Variants in DDB1 observed in about 807,000 individuals in gnomAD.
The protein encoded by DDB1 is DNA damage-binding protein 1.
DDB1 carries 18 observed loss-of-function variants against 133.1 expected under a neutral mutation model. The ratio of observed to expected loss-of-function variants is 0.14; its 90% CI spans 0.09 to 0.20. The LOEUF (loss-of-function observed/expected upper bound fraction) is 0.20, where lower values mean the gene tolerates loss of function less well. Among genes scored for constraint, DDB1 ranks in the 10% least tolerant of loss-of-function variants. The pLI is 1.00. For missense variants in DDB1, 828 were observed against 1,459.2 expected (o/e 0.57, Z 7.05); for synonymous variants, 580 against 550.5 (o/e 1.05, Z -0.75).
chr11:61,324,220 C>T, intron 6 of DDB1, 83 bp from the exon 7 acceptor site: 1 of 1,480,680 alleles, frequency 6.8e-7, no homozygotes, highest in Non-Finnish European at 9.4e-7. Flanking sequence ...CTCCCTTTAC[C>T]AAACCCAGCC....
intron 1 of DDB1, 46 bp downstream of exon 1, chr11:61,332,859 TCCC>T: frequency 7.2e-7 from 1 of 1,386,608 alleles, no homozygotes; most frequent in Non-Finnish European, 9.4e-7. Context: ...AGGCCGCGGC[TCCC>T]CCCAACTCCC....
At chr11:61,316,449 C>G in intron 11 of DDB1, 43 bp downstream of exon 11, 1 of 1,613,956 alleles carries the variant, frequency 6.2e-7, no homozygotes, top group Non-Finnish European at 8.5e-7. Context: ...CACCTCACAA[C>G]CTTCTCACCA....
intron 21 of DDB1, among the ~76,000 whole-genome samples, chr11:61,308,448 A>G (rs1280579635): frequency 6.6e-6 from 1 of 152,180 alleles, no homozygotes; most frequent in Non-Finnish European, 1.5e-5. Context: ...CATTTCACGT[A>G]CTATGTACTT....
chr11:61,305,799 G>C (rs1341264582), intron 21 of DDB1, among the ~76,000 whole-genome samples: 1 of 152,134 alleles, frequency 6.6e-6, no homozygotes, highest in Non-Finnish European at 1.5e-5. Context: ...GACTTCCACT[G>C]TCCAATATGG....
At chr11:61,323,448 CCCAGG>C (rs1856219048) in intron 7 of DDB1, 2 of 287,982 alleles carry the variant, frequency 6.9e-6, no homozygotes, top group Middle Eastern at 1.3e-3. Context: ...CTCACTGTCA[CCCAGG>C]CTGGAGTGCA....
chr11:61,314,521 C>T, intron 12 of DDB1, 35 bp from the exon 13 acceptor site: 5 of 1,583,730 alleles, frequency 3.2e-6, no homozygotes, highest in Non-Finnish European at 4.3e-6. Flanking sequence ...TGTCTCCAAG[C>T]ATCTGCCAGG....
chr11:61,303,541 A>T (rs969111030), intron 22 of DDB1, among the ~76,000 whole-genome samples: 7 of 151,940 alleles, frequency 4.6e-5, no homozygotes, highest in African/African-American at 1.7e-4. Flanking sequence ...ACCAAAAATT[A>T]GCCAGGCGTG....
At chr11:61,313,772 G>A (rs775620097) in intron 15 of DDB1, 66 bp from the exon 16 acceptor site, 8 of 1,584,718 alleles carry the variant, frequency 5.0e-6, no homozygotes, top group Non-Finnish European at 6.9e-6. Context: ...GCCTGTGAAA[G>A]TTCAAAAGCA....
rs2134894862 is a variant in DDB1, at chr11:61,303,898, A to G, written c.2799T>C (p.Leu933=). 1 of 1,613,892 alleles carries G rather than the reference A, an allele frequency of 6.2e-7. No homozygotes were observed. Among genetic ancestry groups the G allele is most frequent in the South Asian group, 1.1e-5 (1 of 91,064 alleles). ...AGTTTCCTTCCATGGGCTTGTAGGC[A>G]AGCAGCAGCACTGAGCGCATAAGGT... ...VGDLMRSVLL[L]AYKPMEGNFE... Residue 933 remains leucine (L), a synonymous_variant, in exon 22 of 27, where the codon CTT becomes CTC. Coordinates refer to ENST00000301764, the MANE Select transcript of DDB1 (RefSeq NM_001923.5).
At chr11:61,325,573 G>C in intron 6 of DDB1, 38 bp downstream of exon 6, 2 of 1,564,274 alleles carry the variant, frequency 1.3e-6, no homozygotes, top group Non-Finnish European at 1.8e-6. Flanking sequence ...GACAAGGAAA[G>C]AAAAGATGAA....
intron 18 of DDB1, chr11:61,311,244 T>C (rs1464637599): frequency 6.6e-6 from 1 of 152,146 alleles, no homozygotes; most frequent in Non-Finnish European, 1.5e-5. Flanking sequence ...AGGGTGAGAC[T>C]CCGTCTCAAT....
At chr11:61,325,038 C>T (rs1372831824) in intron 6 of DDB1, among the ~76,000 whole-genome samples, 1 of 152,098 alleles carries the variant, frequency 6.6e-6, no homozygotes, top group Non-Finnish European at 1.5e-5. Context: ...ATCCCAGCTA[C>T]TAAGGAGGCT....
chr11:61,305,011 C>G (rs753249722), intron 21 of DDB1, among the ~76,000 whole-genome samples: 1 of 152,186 alleles, frequency 6.6e-6, no homozygotes, highest in Admixed American at 6.5e-5. Context: ...CTACTTGGCA[C>G]GGCCCAGTGC....
In DDB1 at chr11:61,300,238, C is replaced by T. The variant is rs187966895; in HGVS notation, c.3340-19G>A. Reference sequence around the variant, plus strand: ...CGTCATACTGCAATGAGAAGATGGGCGGGGCTGTGAGGACCAAGAGGGTGC... The same window carrying T: ...CGTCATACTGCAATGAGAAGATGGGTGGGGCTGTGAGGACCAAGAGGGTGC... On this transcript the variant is annotated intron_variant, in intron 26 of 26. Transcript: ENST00000301764. 590 of 1,612,548 alleles carry T rather than the reference C, an allele frequency of 3.7e-4. 1 individual carries two copies. Among genetic ancestry groups the T allele is most frequent in the Middle Eastern group, 1.2e-3 (7 of 6,048 alleles).
intron 6 of DDB1, chr11:61,324,469 T>C (rs1380064924): frequency 8.8e-6 from 2 of 227,976 alleles, no homozygotes; most frequent in Non-Finnish European, 1.8e-5. Flanking sequence ...AATGTTGTTA[T>C]TTATTCTTAA....
chr11:61,304,552 C>T (rs1398967657), intron 21 of DDB1, among the ~76,000 whole-genome samples: 1 of 152,102 alleles, frequency 6.6e-6, no homozygotes, highest in Non-Finnish European at 1.5e-5. Flanking sequence ...GATTCTACAG[C>T]CACCCTCTAC....
chr11:61,319,814 T>G (rs897636512), intron 10 of DDB1, among the ~76,000 whole-genome samples: 1 of 152,248 alleles, frequency 6.6e-6, no homozygotes, highest in African/African-American at 2.4e-5. Flanking sequence ...GGAAACATTG[T>G]ATACATATTC....
chr11:61,304,666 A>G (rs1009618001), intron 21 of DDB1, among the ~76,000 whole-genome samples: 2 of 152,048 alleles, frequency 1.3e-5, no homozygotes, highest in Non-Finnish European at 2.9e-5. Context: ...TGAGGTCAGG[A>G]GAACGAGACC....
At chr11:61,316,130 C>A (rs980807410) in intron 12 of DDB1, 155 bp downstream of exon 12, 5 of 662,248 alleles carry the variant, frequency 7.6e-6, no homozygotes, top group Non-Finnish European at 1.3e-5. Context: ...GAGTTGTGAT[C>A]TCTGAGTAGT....
Sources: allele counts gnomAD v4.1 joint callset (sites outside exome capture counted in the v4.1 genomes callset), GRCh38; gene constraint gnomAD v4.1.1; transcripts MANE v1.5; gene names NCBI Gene and HGNC (gene_info 2026-07-23, HGNC 2026-07-21).